Variants in TMTC2 observed in about 807,000 individuals in gnomAD.
The protein encoded by TMTC2 is transmembrane O-mannosyltransferase targeting cadherins 2, also known as protein O-mannosyl-transferase TMTC2.
A neutral mutation model predicts 82.4 loss-of-function variants in TMTC2; 43 were observed. The ratio of observed to expected loss-of-function variants is 0.52; its 90% CI spans 0.41 to 0.67. The LOEUF (loss-of-function observed/expected upper bound fraction) is 0.67, where lower values mean the gene tolerates loss of function less well. Ranked by LOEUF, TMTC2 falls within the 30% of genes least tolerant of loss-of-function variation. The pLI, the probability that TMTC2 is intolerant of heterozygous loss-of-function variation, is 0.00. For synonymous variants in TMTC2, 408 were observed against 381.9 expected, an observed-to-expected ratio of 1.07 and a Z score of -0.80; for missense variants, 919 against 1,012.4, an observed-to-expected ratio of 0.91 and a Z score of 1.25.
intron 7 of TMTC2, among the ~76,000 whole-genome samples, chr12:82,985,711 G>T (rs1879125171): frequency 6.6e-6 from 1 of 152,142 alleles, no homozygotes; most frequent in Admixed American, 6.6e-5. Context: ...TTTTACTTGA[G>T]CCATTTTACT....
intron 3 of TMTC2, among the ~76,000 whole-genome samples, chr12:82,925,119 G>A (rs1875624866): frequency 6.6e-6 from 1 of 152,134 alleles, no homozygotes; most frequent in South Asian, 2.1e-4. Context: ...AGCTCGTAGA[G>A]ATCATACCTA....
chr12:83,028,611 A>G (rs1881280337), intron 8 of TMTC2, among the ~76,000 whole-genome samples: 1 of 151,608 alleles, frequency 6.6e-6, no homozygotes, highest in African/African-American at 2.4e-5. Context: ...TAAAAATCAC[A>G]TGCTCTGCCT....
At chr12:82,818,138 C>G (rs1868860312) in intron 1 of TMTC2, among the ~76,000 whole-genome samples, 1 of 152,064 alleles carries the variant, frequency 6.6e-6, no homozygotes, top group Non-Finnish European at 1.5e-5. Flanking sequence ...GGAGCCATAC[C>G]ATTTGGACTT....
At chr12:82,697,334 C>CAAAAAAAAAAAAAAAAAAAAAAA (rs367770708) in intron 1 of TMTC2, among the ~76,000 whole-genome samples, 1 of 61,700 alleles carries the variant, frequency 1.6e-5, no homozygotes. Context: ...CAGCCTGTCT[C>CAAAAAAAAAAAAAAAAAAAAAAA]AAAAAAAAAA....
chr12:82,857,715 T>C (rs1871334537), intron 2 of TMTC2, 135 bp downstream of exon 2: 5 of 765,676 alleles, frequency 6.5e-6, no homozygotes, highest in Non-Finnish European at 1.0e-5. Context: ...CTTCAGTAAG[T>C]GGAAGTGTCC....
chr12:82,734,262 A>G (rs1874975671), intron 1 of TMTC2, among the ~76,000 whole-genome samples: 1 of 152,214 alleles, frequency 6.6e-6, no homozygotes, highest in Non-Finnish European at 1.5e-5. Flanking sequence ...TCAGGGTCTA[A>G]TAGGGCTAAA....
Position 83,040,834 on chromosome 12 carries a change from G to A in TMTC2, c.2152+9955G>A, listed in dbSNP as rs188812139. Among the ~76,000 whole-genome samples, 438 of 151,990 alleles carry A rather than the reference G, an allele frequency of 2.9e-3. 3 individuals are homozygous for A. Among genetic ancestry groups the A allele is most frequent in the African/African-American group, 0.01 (422 of 41,454 alleles). Reference sequence around the variant, plus strand: ...TGAGTAGCTGGGACTACAGGTGCCCGCCACCACGCCCGGCTAATTTTTTTG... The same window carrying A: ...TGAGTAGCTGGGACTACAGGTGCCCACCACCACGCCCGGCTAATTTTTTTG... On this transcript the variant is annotated intron_variant, in intron 9 of 11. Transcript: ENST00000321196.
Position 82,895,875 on chromosome 12 carries a change from C to A in TMTC2, c.712C>A (p.Leu238Ile), listed in dbSNP as rs748134740. ...TTTGTTAATTTTCTGGGGTTCCTCC[C>A]TTTTGGGTGCCCGGTTATACTGGAT... ...ISLLIFWGSS[L>I]LGARLYWMGN... is the part of the protein sequence containing the mutation. The change falls in exon 3 of 12, where the codon CTT becomes ATT. Residue 238 changes from leucine (L) to isoleucine (I), a missense_variant. Transcript: ENST00000321196. 19 of 1,613,712 alleles carry A rather than the reference C, an allele frequency of 1.2e-5. No individual in the cohort carries two copies. The highest frequency in any genetic ancestry group is 1.6e-5 in the Non-Finnish European group (19 of 1,179,908).
At chr12:83,006,125 T>C (rs376369173) in intron 8 of TMTC2, among the ~76,000 whole-genome samples, 2 of 152,158 alleles carry the variant, frequency 1.3e-5, no homozygotes, top group African/African-American at 4.8e-5. Flanking sequence ...TGTGGGTTTC[T>C]CTACAGGTTC....
chr12:83,078,091 T>C (rs1565880040), intron 11 of TMTC2, among the ~76,000 whole-genome samples: 1 of 152,030 alleles, frequency 6.6e-6, no homozygotes, highest in East Asian at 1.9e-4. Context: ...GTAGGCCAGG[T>C]GATCGGATAT....
chr12:82,844,816 A>T (rs1870547986), intron 1 of TMTC2, among the ~76,000 whole-genome samples: 1 of 151,716 alleles, frequency 6.6e-6, no homozygotes, highest in Non-Finnish European at 1.5e-5. Context: ...AAAAAAAAGA[A>T]TCTAGTGTTC....
At chr12:83,130,971 C>T (rs762999080) in intron 11 of TMTC2, among the ~76,000 whole-genome samples, 9 of 152,158 alleles carry the variant, frequency 5.9e-5, no homozygotes, top group Non-Finnish European at 1.2e-4. Flanking sequence ...CTACTCTCCC[C>T]TGTAGCATTG....
At chr12:82,797,083 A>G (rs1878756842) in intron 1 of TMTC2, among the ~76,000 whole-genome samples, 1 of 152,140 alleles carries the variant, frequency 6.6e-6, no homozygotes, top group African/African-American at 2.4e-5. Flanking sequence ...TCCGATGCAG[A>G]CTGTATTGTT....
intron 11 of TMTC2, among the ~76,000 whole-genome samples, chr12:83,105,845 T>C (rs1242841535): frequency 6.6e-6 from 1 of 152,060 alleles, no homozygotes; most frequent in African/African-American, 2.4e-5. Context: ...ATCAAGCAAT[T>C]TGTTAAAGAA....
intron 1 of TMTC2, among the ~76,000 whole-genome samples, chr12:82,804,906 A>G (rs1180471556): frequency 2.0e-5 from 3 of 152,180 alleles, no homozygotes; most frequent in Non-Finnish European, 2.9e-5. Flanking sequence ...CCCTGGTGCC[A>G]TAAAAAAATA....
intron 1 of TMTC2, among the ~76,000 whole-genome samples, chr12:82,723,835 T>A (rs752241665): frequency 6.6e-6 from 1 of 152,220 alleles, no homozygotes; most frequent in African/African-American, 2.4e-5. Flanking sequence ...CCTAGCCTAC[T>A]CTGTGTACTA....
chr12:82,740,736 AG>A (rs1423530731), intron 1 of TMTC2, among the ~76,000 whole-genome samples: 1 of 152,108 alleles, frequency 6.6e-6, no homozygotes, highest in African/African-American at 2.4e-5. Context: ...CCTCCCTCTC[AG>A]GAAGGATTCA....
chr12:82,746,476 A>C (rs1384688545), intron 1 of TMTC2, among the ~76,000 whole-genome samples: 1 of 152,194 alleles, frequency 6.6e-6, no homozygotes, highest in African/African-American at 2.4e-5. Context: ...GGTACAAAGA[A>C]GACTATGGCT....
chr12:82,721,205 A>G (rs910830255), intron 1 of TMTC2, among the ~76,000 whole-genome samples: 1 of 151,968 alleles, frequency 6.6e-6, no homozygotes, highest in Non-Finnish European at 1.5e-5. Flanking sequence ...AATAAAAGTT[A>G]CTCTTCTAGA....
Sources: gnomAD v4.1 joint callset for allele counts (sites outside exome capture counted in the v4.1 genomes callset) on GRCh38, gnomAD v4.1.1 for gene constraint, MANE v1.5 for transcripts, NCBI Gene and HGNC (gene_info 2026-07-23, HGNC 2026-07-21) for gene names.